NETO2: variants seen among roughly 807,000 people sequenced by gnomAD.
NETO2 encodes neuropilin and tolloid like 2, also known as neuropilin and tolloid-like protein 2.
In NETO2, 28 loss-of-function variants were observed where a neutral mutation model predicts 62.5. The observed-to-expected ratio is 0.45, with a 90% CI of 0.33 to 0.61. NETO2 has a LOEUF of 0.61. Among genes scored for constraint, NETO2 ranks in the 20% least tolerant of loss-of-function variants. The pLI is 0.02. For missense variants in NETO2, 548 were observed against 643.2 expected, an observed-to-expected ratio of 0.85 and a Z score of 1.60; for synonymous variants, 214 against 219.1, an observed-to-expected ratio of 0.98 and a Z score of 0.21.
At chr16:47,110,328 C>T (rs567792608) in intron 6 of NETO2, among the ~76,000 whole-genome samples, 1 of 152,320 alleles carries the variant, frequency 6.6e-6, no homozygotes, top group South Asian at 2.1e-4. Context: ...TCAAAGGAAG[C>T]TCTATTAGCA....
intron 7 of NETO2, among the ~76,000 whole-genome samples, chr16:47,104,728 C>CT (rs966250116): frequency 6.0e-5 from 9 of 149,436 alleles, no homozygotes; most frequent in East Asian, 2.0e-4. Flanking sequence ...CACATAATTT[C>CT]TTTTTTTTTT....
chr16:47,104,968 C>T (rs1176964090), intron 7 of NETO2, among the ~76,000 whole-genome samples: 1 of 152,138 alleles, frequency 6.6e-6, no homozygotes, highest in Non-Finnish European at 1.5e-5. Context: ...GTTCCACCCA[C>T]CTTGGCCTCC....
At chr16:47,094,539 C>T (rs1963388450) in intron 7 of NETO2, among the ~76,000 whole-genome samples, 1 of 147,804 alleles carries the variant, frequency 6.8e-6, no homozygotes, top group South Asian at 2.2e-4. Flanking sequence ...CATTCTCCTG[C>T]CCCAGCCTAT....
At chr16:47,141,451 T>TG (rs1463809753) in intron 1 of NETO2, among the ~76,000 whole-genome samples, 2 of 151,370 alleles carry the variant, frequency 1.3e-5, no homozygotes, top group African/African-American at 4.9e-5. Context: ...AAATTATACA[T>TG]GCGTTTGGTA....
chr16:47,133,619 A>C (rs1021509896), intron 1 of NETO2, among the ~76,000 whole-genome samples: 18 of 116,890 alleles, frequency 1.5e-4, no homozygotes, highest in Admixed American at 1.0e-3. Context: ...AATAAAATAA[A>C]ATAAAATAAA....
At chr16:47,117,780 C>T (rs980878330) in intron 6 of NETO2, among the ~76,000 whole-genome samples, 1 of 152,128 alleles carries the variant, frequency 6.6e-6, no homozygotes, top group Non-Finnish European at 1.5e-5. Context: ...GGTTCTATCA[C>T]TGCTTTAGAA....
intron 6 of NETO2, among the ~76,000 whole-genome samples, chr16:47,122,181 A>G (rs1964053189): frequency 1.3e-5 from 2 of 152,214 alleles, no homozygotes; most frequent in Non-Finnish European, 2.9e-5. Flanking sequence ...GTTCTTTCCA[A>G]TAAAAGCACC....
chr16:47,105,218 G>A (rs1191576118), intron 7 of NETO2, among the ~76,000 whole-genome samples: 1 of 152,004 alleles, frequency 6.6e-6, no homozygotes, highest in African/African-American at 2.4e-5. Context: ...TTTGACAGGG[G>A]TGCCAAGACC....
intron 1 of NETO2, among the ~76,000 whole-genome samples, chr16:47,142,140 T>C (rs187277856): frequency 5.3e-4 from 80 of 152,282 alleles, no homozygotes; most frequent in Non-Finnish European, 9.8e-4. Flanking sequence ...ATACGGTTTA[T>C]CACGAAAGAG....
At chr16:47,141,041 A>G (rs566010013) in intron 1 of NETO2, among the ~76,000 whole-genome samples, 97 of 152,370 alleles carry the variant, frequency 6.4e-4, no homozygotes, top group South Asian at 2.1e-3. Context: ...CACAGCTAAA[A>G]GTGAATTTTT....
At chr16:47,140,493 T>C (rs1438682257) in intron 1 of NETO2, among the ~76,000 whole-genome samples, 1 of 152,220 alleles carries the variant, frequency 6.6e-6, no homozygotes, top group East Asian at 1.9e-4. Flanking sequence ...GAAAATGGCT[T>C]TGATTTCAAC....
intron 7 of NETO2, among the ~76,000 whole-genome samples, chr16:47,088,764 C>T (rs1193642475): frequency 1.3e-5 from 2 of 152,102 alleles, no homozygotes; most frequent in African/African-American, 2.4e-5. Context: ...AATATCTGAC[C>T]ACATTCTCCA....
chr16:47,095,828 A>G (rs1201050270), intron 7 of NETO2, among the ~76,000 whole-genome samples: 1 of 152,216 alleles, frequency 6.6e-6, no homozygotes, highest in African/African-American at 2.4e-5. Flanking sequence ...ACATATACAG[A>G]AAATTCCACC....
chr16:47,115,880 T>C (rs1245553723), intron 6 of NETO2, among the ~76,000 whole-genome samples: 1 of 151,268 alleles, frequency 6.6e-6, no homozygotes, highest in Non-Finnish European at 1.5e-5. Flanking sequence ...CTGCAATTGA[T>C]TTTTGTATAC....
chr16:47,134,121 G>A (rs1964324104), intron 1 of NETO2, among the ~76,000 whole-genome samples: 1 of 152,178 alleles, frequency 6.6e-6, no homozygotes, highest in Non-Finnish European at 1.5e-5. Flanking sequence ...TAGTGCAAGT[G>A]GTTGGTAGAC....
intron 1 of NETO2, among the ~76,000 whole-genome samples, chr16:47,137,916 G>A (rs946587687): frequency 6.6e-6 from 1 of 152,152 alleles, no homozygotes; most frequent in Non-Finnish European, 1.5e-5. Context: ...CAGAGTGAAG[G>A]CTCTATAAAT....
intron 4 of NETO2, among the ~76,000 whole-genome samples, chr16:47,125,094 CT>C (rs1964128738): frequency 6.6e-6 from 1 of 152,122 alleles, no homozygotes; most frequent in Non-Finnish European, 1.5e-5. Context: ...CTTTGGATGT[CT>C]TTTTCTGTCA....
chr16:47,088,964 G>A (rs1963255578), intron 7 of NETO2, among the ~76,000 whole-genome samples: 1 of 152,186 alleles, frequency 6.6e-6, no homozygotes, highest in Non-Finnish European at 1.5e-5. Flanking sequence ...TTGCTATTAA[G>A]AGTGTGACCA....
intron 7 of NETO2, among the ~76,000 whole-genome samples, chr16:47,087,302 G>A (rs901544946): frequency 6.6e-6 from 1 of 152,166 alleles, no homozygotes; most frequent in Non-Finnish European, 1.5e-5. Flanking sequence ...GGGATTACAG[G>A]TGTGAGCCAC....
Sources: allele counts gnomAD v4.1 joint callset (sites outside exome capture counted in the v4.1 genomes callset), GRCh38; gene constraint gnomAD v4.1.1; transcripts MANE v1.5; gene names NCBI Gene and HGNC (gene_info 2026-07-23, HGNC 2026-07-21).